Variants in MAP9 observed in about 807,000 individuals in gnomAD.
MAP9 encodes the protein microtubule associated protein 9.
A neutral mutation model predicts 75.2 loss-of-function variants in MAP9; 80 were observed. That is an observed-to-expected ratio of 1.06 (90% CI 0.89 to 1.28). The LOEUF (loss-of-function observed/expected upper bound fraction) is 1.28. Ranked by LOEUF, MAP9 falls within the 50% of genes most tolerant of loss-of-function variation. MAP9 has a pLI of 0.00. For missense variants in MAP9, 753 were observed against 719.9 expected (o/e 1.05, Z -0.53); for synonymous variants, 235 against 237.3 (o/e 0.99, Z 0.09).
At position 155,343,490 on chromosome 4, in the gene MAP9, G is replaced by A. The variant is rs1016868976; in HGVS notation, c.*4293C>T. ...TTATATAATTATATTATCTCTCTCT[G>A]TAATTTGTGTAGTAAAACATCAGTT... On this transcript the variant is annotated 3_prime_UTR_variant, in exon 14 of 14. Transcript: ENST00000311277. The A allele has an allele frequency of 6.6e-6, 1 of 151,284 alleles. No individual in the cohort carries two copies. Among genetic ancestry groups the A allele is most frequent in the Non-Finnish European group, 1.5e-5 (1 of 67,644 alleles). The allele number at this position is 151,284 out of a possible 1,614,324, so 9.4% of individuals were successfully genotyped here. A position where few individuals can be genotyped will look rare whatever the true frequency, so the allele number is the denominator to read the frequency against.
intron 13 of MAP9, chr4:155,349,525 G>A (rs1235777632): frequency 1.3e-5 from 2 of 152,120 alleles, no homozygotes; most frequent in African/African-American, 4.8e-5. Context: ...TACAGGACAA[G>A]CTTTCCATTC....
intron 5 of MAP9, 149 bp downstream of exon 5, chr4:155,368,437 T>C: frequency 1.5e-6 from 1 of 683,424 alleles, no homozygotes; most frequent in Non-Finnish European, 2.6e-6. Flanking sequence ...CAGTGTATTT[T>C]TAAAAATTAT....
rs1731597807 is a variant in MAP9 at position 155,353,175 on chromosome 4, A to G, written c.1542+4T>C. 6.3e-7 allele frequency: 1 copy of G among 1,583,026 alleles called. No homozygotes were observed. The highest frequency in any genetic ancestry group is 2.3e-5 in the East Asian group (1 of 44,382). On this transcript the variant is annotated splice_donor_region_variant and intron_variant, in intron 11 of 13. Transcript: ENST00000311277. ...ATAATTAAGATGTGCAAAGTTCTGA[A>G]TACTTGTAGTGCTTCTCCTTTTCTT...
At chr4:155,352,796 CT>C in intron 12 of MAP9, 68 bp from the exon 13 acceptor site, 2 of 1,444,836 alleles carry the variant, frequency 1.4e-6, no homozygotes, top group African/African-American at 2.9e-5. Context: ...CCTAGTACAT[CT>C]TTGACAGTAA....
chr4:155,370,098 T>A (rs1732527641), intron 4 of MAP9, among the ~76,000 whole-genome samples: 1 of 152,170 alleles, frequency 6.6e-6, no homozygotes, highest in South Asian at 2.1e-4. Context: ...CATCCTAAAC[T>A]CCAGCCAAAT....
chr4:155,350,270 A>G, intron 13 of MAP9: 1 of 454,592 alleles, frequency 2.2e-6, no homozygotes, highest in Admixed American at 2.4e-5. Context: ...GAATTTGGTA[A>G]GAAGGAGAAC....
intron 7 of MAP9, 26 bp from the exon 8 acceptor site, chr4:155,357,545 G>A (rs760168701): frequency 7.4e-7 from 1 of 1,343,446 alleles, no homozygotes; most frequent in Non-Finnish European, 1.1e-6. Context: ...TGCCAAAGAT[G>A]ATTTATTCAT....
intron 2 of MAP9, among the ~76,000 whole-genome samples, chr4:155,375,375 G>C (rs767528357): frequency 1.3e-4 from 20 of 152,066 alleles, no homozygotes; most frequent in Non-Finnish European, 2.4e-4. Flanking sequence ...GAAAGAAATT[G>C]GTATTTTTAA....
intron 6 of MAP9, 164 bp from the exon 7 acceptor site, chr4:155,360,579 AGTGATTT>A: frequency 1.6e-6 from 1 of 639,846 alleles, no homozygotes; most frequent in Non-Finnish European, 2.4e-6. Context: ...TCTTTTCGAA[AGTGATTT>A]ACAAAAAAAA....
In MAP9 at chr4:155,368,785, T is replaced by C. The variant is rs375260465; in HGVS notation, c.509A>G (p.Asp170Gly). ...SAENNSLDTD[D>G]HFKPSPRPRS... ...TGGCCGAGGTGATGGTTTAAAGTGA[T>C]CATCTGTGTCAAGGCTGTTGTTTTC... Residue 170 changes from aspartate to glycine, a missense_variant, in exon 5 of 14, where the codon GAT (aspartate) becomes GGT (glycine). Coordinates refer to ENST00000311277, the MANE Select transcript of MAP9 (RefSeq NM_001039580.2). The C allele has an allele frequency of 4.3e-6, 7 of 1,612,356 alleles. No homozygotes were observed. The highest frequency in any genetic ancestry group is 1.3e-5 in the African/African-American group (1 of 74,764).
At chr4:155,365,402 A>G (rs1483409334) in intron 5 of MAP9, among the ~76,000 whole-genome samples, 1 of 152,160 alleles carries the variant, frequency 6.6e-6, no homozygotes, top group Non-Finnish European at 1.5e-5. Context: ...CAAACCCACA[A>G]ACATAACTGG....
Position 155,347,745 on chromosome 4 carries a change from A to C in MAP9, c.*38T>G. The C allele has an allele frequency of 6.4e-7, 1 of 1,556,488 alleles. No individual in the cohort carries two copies. Among genetic ancestry groups the C allele is most frequent in the Non-Finnish European group, 8.7e-7 (1 of 1,153,504 alleles). ...TTTAAATCTATGGCTAATATTGGCA[A>C]ACCGATAAATAACCAAATAATGTAA... On this transcript the variant is annotated 3_prime_UTR_variant, in exon 14 of 14. Coordinates refer to ENST00000311277, the MANE Select transcript of MAP9 (RefSeq NM_001039580.2).
Position 155,375,773 on chromosome 4 carries a change from TA to T in MAP9, c.75+2del. The T allele has an allele frequency of 6.3e-7, 1 of 1,584,854 alleles. No individual in the cohort carries two copies. The highest frequency in any genetic ancestry group is 8.7e-7 in the Non-Finnish European group (1 of 1,155,538). On this transcript the variant is annotated splice_donor_variant, in intron 2 of 13. Coordinates refer to ENST00000311277, the MANE Select transcript of MAP9 (RefSeq NM_001039580.2). LOFTEE classifies it high-confidence loss of function. ...GAAATGATTCCAAATAAAAATACTT[TA>T]CCTGGAAAGTAGTTCTTTTGGTAAC...
rs1452966531 is a variant in MAP9, at chr4:155,347,305, C to G, written c.*478G>C. 2 of 152,484 alleles carry G rather than the reference C, an allele frequency of 1.3e-5. No homozygotes were observed. Among genetic ancestry groups the G allele is most frequent in the Non-Finnish European group, 2.9e-5 (2 of 68,262 alleles). The allele number at this position is 152,484 out of a possible 1,614,324, so 9.4% of individuals were successfully genotyped here. A position where few individuals can be genotyped will look rare whatever the true frequency, so the allele number is the denominator to read the frequency against. ...AACTAGCACAGTACAAATGCAACTG[C>G]TTTGAGCTAAACATCAGTTTCAGAA... On this transcript the variant is annotated 3_prime_UTR_variant, in exon 14 of 14. Transcript: ENST00000311277.
chr4:155,371,432 T>G (rs1006330774), intron 4 of MAP9, among the ~76,000 whole-genome samples: 4 of 152,084 alleles, frequency 2.6e-5, no homozygotes, highest in African/African-American at 9.7e-5. Flanking sequence ...CCTCAATTTT[T>G]ACTTTTCAAC....
chr4:155,346,026 A>C lies in MAP9; in HGVS notation c.*1757T>G, dbSNP rs1320131198. The C allele has an allele frequency of 6.6e-6, 1 of 152,170 alleles. No homozygotes were observed. Among genetic ancestry groups the C allele is most frequent in the Non-Finnish European group, 1.5e-5 (1 of 68,008 alleles). The allele number at this position is 152,170 out of a possible 1,614,324, so 9.4% of individuals were successfully genotyped here. ...TCAGATCAATTTCATAAAGTATTACAGTTCTGGCCATATAGAAAGGGTTCT... is the reference window on the plus strand; with the variant it reads ...TCAGATCAATTTCATAAAGTATTACCGTTCTGGCCATATAGAAAGGGTTCT... On this transcript the variant is annotated 3_prime_UTR_variant, in exon 14 of 14. Coordinates refer to ENST00000311277, the MANE Select transcript of MAP9 (RefSeq NM_001039580.2).
At chr4:155,375,288 G>A (rs751140809) in intron 2 of MAP9, among the ~76,000 whole-genome samples, 2 of 152,108 alleles carry the variant, frequency 1.3e-5, no homozygotes, top group Non-Finnish European at 2.9e-5. Context: ...ATTAATTGCA[G>A]GTTATAATTA....
chr4:155,361,666 T>C (rs1732085896), intron 6 of MAP9, among the ~76,000 whole-genome samples: 1 of 152,210 alleles, frequency 6.6e-6, no homozygotes, highest in East Asian at 1.9e-4. Flanking sequence ...TATTGGAATC[T>C]AGCTTAGTCT....
Position 155,352,599 on chromosome 4 carries a change from C to G in MAP9, c.1818G>C (p.Trp606Cys), listed in dbSNP as rs1560802904. 4.5e-6 allele frequency: 7 copies of G among 1,570,744 alleles called. No homozygotes were observed. The highest frequency in any genetic ancestry group is 6.0e-6 in the Non-Finnish European group (7 of 1,157,462). Residue 606 changes from tryptophan (W) to cysteine (C), a missense_variant, in exon 13 of 14, where the codon TGG (tryptophan) becomes TGC (cysteine). Coordinates refer to ENST00000311277, the MANE Select transcript of MAP9 (RefSeq NM_001039580.2). Reference sequence around the variant, plus strand: ...TGCATTGACAAATAATACCTACCAGCCATTTTTCATATTCATTAATAGCTT... The same window carrying G: ...TGCATTGACAAATAATACCTACCAGGCATTTTTCATATTCATTAATAGCTT... ...DKQAINEYEKWLENKEKQERI... is the reference protein window; with the variant it reads ...DKQAINEYEKCLENKEKQERI...
Sources: allele counts gnomAD v4.1 joint callset (sites outside exome capture counted in the v4.1 genomes callset), GRCh38; gene constraint gnomAD v4.1.1; transcripts MANE v1.5; gene names NCBI Gene and HGNC (gene_info 2026-07-23, HGNC 2026-07-21).